BAZ1B: variants seen among roughly 807,000 people sequenced by gnomAD.
The protein encoded by BAZ1B is bromodomain adjacent to zinc finger domain 1B.
In BAZ1B, 22 loss-of-function variants were observed where a neutral mutation model predicts 153.8. The ratio of observed to expected loss-of-function variants is 0.14; its 90% CI spans 0.10 to 0.20. BAZ1B has a LOEUF of 0.20. Ranked by LOEUF, BAZ1B falls within the 10% of genes least tolerant of loss-of-function variation. BAZ1B has a pLI of 1.00. For synonymous variants in BAZ1B, 676 were observed against 633.4 expected, an observed-to-expected ratio of 1.07 and a Z score of -1.01; for missense variants, 1,325 against 1,799.3, an observed-to-expected ratio of 0.74 and a Z score of 4.77.
intron 6 of BAZ1B, among the ~76,000 whole-genome samples, chr7:73,480,746 C>A (rs1554573562): frequency 6.6e-6 from 1 of 152,000 alleles, no homozygotes; most frequent in East Asian, 1.9e-4. Flanking sequence ...AGACTACAGG[C>A]AAGAAAACAG....
intron 1 of BAZ1B, 37 bp downstream of exon 1, chr7:73,521,790 C>G (rs1791060487): frequency 1.4e-6 from 2 of 1,470,192 alleles, no homozygotes; most frequent in Non-Finnish European, 1.8e-6. Context: ...CCGGCCCAGC[C>G]CGGCCCAGCC....
At chr7:73,518,328 G>A (rs1563408379) in intron 1 of BAZ1B, among the ~76,000 whole-genome samples, 1 of 151,472 alleles carries the variant, frequency 6.6e-6, no homozygotes, top group Non-Finnish European at 1.5e-5. Flanking sequence ...CAGGAAAATG[G>A]CGTGAACCCG....
intron 3 of BAZ1B, among the ~76,000 whole-genome samples, chr7:73,503,349 C>T (rs1242323240): frequency 6.6e-6 from 1 of 152,082 alleles, no homozygotes; most frequent in Non-Finnish European, 1.5e-5. Context: ...TATGGACATA[C>T]ATACTTCCCT....
At chr7:73,489,163 C>A (rs1554574986) in intron 6 of BAZ1B, 31 bp downstream of exon 6, 1 of 1,596,848 alleles carries the variant, frequency 6.3e-7, no homozygotes, top group South Asian at 1.1e-5. Flanking sequence ...GATGCTTTAT[C>A]CTGCTGTCCA....
intron 5 of BAZ1B, among the ~76,000 whole-genome samples, chr7:73,489,999 G>A (rs1789572262): frequency 6.6e-6 from 1 of 152,216 alleles, no homozygotes; most frequent in Admixed American, 6.5e-5. Flanking sequence ...TGGGTTGAGA[G>A]TTATTACCTA....
At chr7:73,474,850 G>C (rs1446854436) in intron 7 of BAZ1B, among the ~76,000 whole-genome samples, 1 of 152,142 alleles carries the variant, frequency 6.6e-6, no homozygotes, top group Non-Finnish European at 1.5e-5. Flanking sequence ...ACAGAGAATT[G>C]TATCTAGAAT....
intron 1 of BAZ1B, among the ~76,000 whole-genome samples, chr7:73,519,973 C>T (rs1790969479): frequency 6.6e-6 from 1 of 152,044 alleles, no homozygotes; most frequent in Non-Finnish European, 1.5e-5. Context: ...TTTGGGAGGC[C>T]GAGATGGGCG....
At chr7:73,501,291 CA>C (rs1174459764) in intron 3 of BAZ1B, among the ~76,000 whole-genome samples, 1 of 152,054 alleles carries the variant, frequency 6.6e-6, no homozygotes, top group African/African-American at 2.4e-5. Flanking sequence ...ACAAAAACAA[CA>C]GATTTCAAAC....
Position 73,478,579 on chromosome 7 carries a change from A to T in BAZ1B, c.892-10T>A. On this transcript the variant is annotated splice_polypyrimidine_tract_variant and intron_variant, in intron 6 of 19. Transcript: ENST00000339594. ...GGTTGAGAGTCATATACTAGAATTT[A>T]AGAATAGGAGCAAAATTAATTTTAA... The T allele has an allele frequency of 6.7e-7, 1 of 1,483,570 alleles. No homozygotes were observed. Among genetic ancestry groups the T allele is most frequent in the Non-Finnish European group, 9.0e-7 (1 of 1,115,514 alleles). 91.9% of individuals were successfully genotyped at this position (1,483,570 alleles called of 1,614,324 possible).
Position 73,466,283 on chromosome 7 carries a change from A to C in BAZ1B, c.2972+13T>G. The C allele has an allele frequency of 1.3e-6, 2 of 1,563,512 alleles. No individual in the cohort carries two copies. Among genetic ancestry groups the C allele is most frequent in the Non-Finnish European group, 1.8e-6 (2 of 1,135,412 alleles). Reference sequence around the variant, plus strand: ...GGAAAAAGAAAGAGCAACCAGATGAATGCTCACATTACCATAGGTTCTGTC... The same window carrying C: ...GGAAAAAGAAAGAGCAACCAGATGACTGCTCACATTACCATAGGTTCTGTC... On this transcript the variant is annotated intron_variant, in intron 10 of 19. Transcript: ENST00000339594.
chr7:73,510,042 A>C (rs149265076), intron 2 of BAZ1B, among the ~76,000 whole-genome samples: 1 of 151,522 alleles, frequency 6.6e-6, no homozygotes, highest in Non-Finnish European at 1.5e-5. Flanking sequence ...CACGAGAATC[A>C]CTTGAACCCA....
At chr7:73,487,957 G>C (rs1789482693) in intron 6 of BAZ1B, among the ~76,000 whole-genome samples, 1 of 152,148 alleles carries the variant, frequency 6.6e-6, no homozygotes, top group African/African-American at 2.4e-5. Context: ...CTTTACTAAT[G>C]TTTTGGAGAA....
At chr7:73,447,491 T>C in intron 15 of BAZ1B, 112 bp from the exon 16 acceptor site, 1 of 1,248,002 alleles carries the variant, frequency 8.0e-7, no homozygotes, top group Non-Finnish European at 1.1e-6. Context: ...TACATATGTA[T>C]AACGTATGAT....
Position 73,478,115 on chromosome 7 carries a change from T to C in BAZ1B, c.1346A>G (p.Lys449Arg). ...AGAATTCCGTGGGGCTCGTGTCATC[T>C]TCTGCGTGCCTTTGGCCATATCCAA... Reference protein sequence around the residue: ...TLLDMAKGTQKMTRAPRNSGG... With the variant: ...TLLDMAKGTQRMTRAPRNSGG... Residue 449 changes from lysine (K) to arginine (R), a missense_variant, in exon 7 of 20, where the codon AAG becomes AGG. Physicochemically the swap from Lys to Arg is conservative, Grantham distance 26 (BLOSUM62 2). Around this residue, in one of 9 missense-constraint regions of BAZ1B, gnomAD observed 219 missense variants for 248.2 expected, o/e 0.88. Coordinates refer to ENST00000339594, the MANE Select transcript of BAZ1B (RefSeq NM_032408.4). 3 of 1,614,228 alleles carry C rather than the reference T, an allele frequency of 1.9e-6. No homozygotes were observed. The highest frequency in any genetic ancestry group is 2.5e-6 in the Non-Finnish European group (3 of 1,180,046).
At chr7:73,464,209 G>A (rs904943448) in intron 11 of BAZ1B, 1 of 960,290 alleles carries the variant, frequency 1.0e-6, no homozygotes, top group Non-Finnish European at 1.2e-6. Flanking sequence ...AAATTCAACC[G>A]TGAAATTGAG....
In BAZ1B at chr7:73,478,105, T is replaced by C. The variant is rs1789060825; in HGVS notation, c.1356A>G (p.Arg452=). The change falls in exon 7 of 20, where the codon CGA becomes CGG. Residue 452 remains arginine (R), a synonymous_variant. Coordinates refer to ENST00000339594, the MANE Select transcript of BAZ1B (RefSeq NM_032408.4). ...GTGTACCCCCAGAATTCCGTGGGGC[T>C]CGTGTCATCTTCTGCGTGCCTTTGG... is the stretch of plus-strand genomic sequence containing the variant. ...DMAKGTQKMT[R]APRNSGGTPR... The C allele has an allele frequency of 6.2e-7, 1 of 1,614,112 alleles. No homozygotes were observed. Among genetic ancestry groups the C allele is most frequent in the Non-Finnish European group, 8.5e-7 (1 of 1,180,054 alleles).
At chr7:73,453,365 T>C (rs1385154940) in intron 13 of BAZ1B, among the ~76,000 whole-genome samples, 1 of 152,238 alleles carries the variant, frequency 6.6e-6, no homozygotes, top group African/African-American at 2.4e-5. Context: ...TAAGAACAAG[T>C]CTCATCTGAC....
chr7:73,478,663 T>G, intron 6 of BAZ1B, 94 bp from the exon 7 acceptor site: 1 of 1,087,642 alleles, frequency 9.2e-7, no homozygotes, highest in Non-Finnish European at 1.3e-6. Flanking sequence ...CCCCAGCTAT[T>G]CAGGTAAAGC....
intron 4 of BAZ1B, among the ~76,000 whole-genome samples, chr7:73,495,170 T>C (rs1156548317): frequency 1.3e-5 from 2 of 151,992 alleles, no homozygotes; most frequent in African/African-American, 4.8e-5. Flanking sequence ...ATAGTCCCAG[T>C]TACTGGGGAG....
Sources: gnomAD v4.1 joint callset for allele counts (sites outside exome capture counted in the v4.1 genomes callset) on GRCh38, gnomAD v4.1.1 for gene constraint, gnomAD v4.1.1 regional missense constraint, MANE v1.5 for transcripts, NCBI Gene and HGNC (gene_info 2026-07-23, HGNC 2026-07-21) for gene names.